The following MAF variants were observed in gnomAD, a reference collection of about 807,000 sequenced individuals.
MAF encodes transcription factor Maf.
Under a neutral mutation model 22.0 loss-of-function variants are expected in MAF, and 10 were observed. The ratio of observed to expected loss-of-function variants is 0.45; its 90% CI spans 0.28 to 0.77. The LOEUF is 0.77. Among genes scored for constraint, MAF ranks in the 30% least tolerant of loss-of-function variants. MAF has a pLI of 0.12. For synonymous variants in MAF, 337 were observed against 255.8 expected, an observed-to-expected ratio of 1.32 and a Z score of -3.03; for missense variants, 544 against 548.4, an observed-to-expected ratio of 0.99 and a Z score of 0.08.
the MAF span, among the ~76,000 whole-genome samples, chr16:79,528,580 A>C: frequency 6.6e-6 from 1 of 151,642 alleles, no homozygotes; most frequent in Non-Finnish European, 1.5e-5. Flanking sequence ...TGAATGTCAC[A>C]ACCATATCTC....
the MAF span, among the ~76,000 whole-genome samples, chr16:79,463,132 G>A: frequency 6.6e-6 from 1 of 152,218 alleles, no homozygotes; most frequent in Non-Finnish European, 1.5e-5. Context: ...AAGGCTTGAG[G>A]TGGAGATGAG....
chr16:79,547,611 G>A, the MAF span, among the ~76,000 whole-genome samples: 54 of 152,188 alleles, frequency 3.5e-4, 1 homozygote, highest in Admixed American at 3.2e-3. Context: ...CTATATAGAT[G>A]CAACAAATAG....
chr16:79,600,298 C>T lies in MAF; in HGVS notation c.-396G>A, dbSNP rs1245321449. 1 of 218,170 alleles carries T rather than the reference C, an allele frequency of 4.6e-6. No individual in the cohort carries two copies. The highest frequency in any genetic ancestry group is 9.9e-6 in the Non-Finnish European group (1 of 101,482). 13.5% of individuals were successfully genotyped at this position (218,170 alleles called of 1,614,324 possible). A position where few individuals can be genotyped will look rare whatever the true frequency, so the allele number is the denominator to read the frequency against. The stretch of plus-strand genomic sequence containing the variant: ...CCGGTGCGCGGCGTCCCCCGCTCGC[C>T]GCTCCGCTGCGCGCTTTGCATAAGG... On this transcript the variant is annotated 5_prime_UTR_variant, in exon 1 of 2. Transcript: ENST00000326043.
At chr16:79,516,663 T>C in the MAF span, among the ~76,000 whole-genome samples, 1 of 152,260 alleles carries the variant, frequency 6.6e-6, no homozygotes, top group Non-Finnish European at 1.5e-5. Flanking sequence ...AATGTGTCTC[T>C]GAAGATGGCA....
At chr16:79,461,928 G>C in the MAF span, among the ~76,000 whole-genome samples, 1 of 152,146 alleles carries the variant, frequency 6.6e-6, no homozygotes. Context: ...TGTCTAATAG[G>C]AGGTTGGAGG....
At chr16:79,273,343 G>A in the MAF span, among the ~76,000 whole-genome samples, 2 of 152,184 alleles carry the variant, frequency 1.3e-5, no homozygotes, top group South Asian at 2.1e-4. Context: ...TAAAGTGGAC[G>A]TTAGACTTTT....
the MAF span, among the ~76,000 whole-genome samples, chr16:79,502,232 G>A: frequency 6.6e-6 from 1 of 152,128 alleles, no homozygotes; most frequent in Non-Finnish European, 1.5e-5. Flanking sequence ...CCTCACCATT[G>A]ACTAGCCAAG....
the MAF span, among the ~76,000 whole-genome samples, chr16:79,414,933 G>A: frequency 6.6e-6 from 1 of 152,190 alleles, no homozygotes; most frequent in African/African-American, 2.4e-5. Context: ...GTCATAGGGT[G>A]TCCCCAATCA....
chr16:79,325,675 G>T, the MAF span, among the ~76,000 whole-genome samples: 1 of 151,710 alleles, frequency 6.6e-6, no homozygotes, highest in Admixed American at 6.6e-5. Flanking sequence ...AAAACTAGAA[G>T]AACAAAGCAA....
At chr16:79,408,645 T>C in the MAF span, among the ~76,000 whole-genome samples, 1 of 151,980 alleles carries the variant, frequency 6.6e-6, no homozygotes, top group Non-Finnish European at 1.5e-5. Flanking sequence ...TCTTCCATCC[T>C]TCTTTTCTTT....
chr16:79,539,256 C>G, the MAF span, among the ~76,000 whole-genome samples: 12 of 152,224 alleles, frequency 7.9e-5, no homozygotes, highest in Non-Finnish European at 1.6e-4. Flanking sequence ...GTAATCCCAG[C>G]ACTTCGGGAG....
chr16:79,455,609 G>A, the MAF span, among the ~76,000 whole-genome samples: 2 of 152,174 alleles, frequency 1.3e-5, no homozygotes, highest in African/African-American at 2.4e-5. Context: ...TTAATGGGGC[G>A]GTTTTTATTC....
the MAF span, among the ~76,000 whole-genome samples, chr16:79,434,506 G>C: frequency 2.6e-5 from 4 of 152,134 alleles, no homozygotes; most frequent in African/African-American, 9.7e-5. Context: ...AGCCTATTAT[G>C]ATGTGAGCTC....
chr16:79,250,041 G>C, the MAF span, among the ~76,000 whole-genome samples: 1 of 152,212 alleles, frequency 6.6e-6, no homozygotes, highest in Non-Finnish European at 1.5e-5. Context: ...TTACCAGCAT[G>C]ATCTCATTAT....
chr16:79,230,046 G>C, the MAF span, among the ~76,000 whole-genome samples: 1 of 152,058 alleles, frequency 6.6e-6, no homozygotes, highest in African/African-American at 2.4e-5. Flanking sequence ...TCATTCTTAA[G>C]AGGTAAATAT....
chr16:79,465,167 T>C, the MAF span, among the ~76,000 whole-genome samples: 7 of 152,210 alleles, frequency 4.6e-5, no homozygotes, highest in Non-Finnish European at 7.3e-5. Context: ...CCCTCAATGC[T>C]GACAATACCA....
At chr16:79,315,088 TATTC>T in the MAF span, among the ~76,000 whole-genome samples, 25 of 152,376 alleles carry the variant, frequency 1.6e-4, no homozygotes, top group Admixed American at 8.5e-4. Flanking sequence ...CATTTATTAT[TATTC>T]ATTATTTCAT....
the MAF span, among the ~76,000 whole-genome samples, chr16:79,477,395 G>A: frequency 2.7e-3 from 409 of 152,264 alleles, 3 homozygotes; most frequent in African/African-American, 9.3e-3. Flanking sequence ...GCTTTGCACA[G>A]AATAAAGAAG....
At chr16:79,410,454 C>G in the MAF span, among the ~76,000 whole-genome samples, 3 of 152,256 alleles carry the variant, frequency 2.0e-5, no homozygotes, top group Non-Finnish European at 2.9e-5. Flanking sequence ...CAGCTCATTG[C>G]AGAAGATCAT....
Sources: allele counts gnomAD v4.1 joint callset (sites outside exome capture counted in the v4.1 genomes callset), GRCh38; gene constraint gnomAD v4.1.1; transcripts MANE v1.5; gene names NCBI Gene and HGNC (gene_info 2026-07-23, HGNC 2026-07-21).